The following CAD variants were observed in gnomAD, a reference collection of about 807,000 sequenced individuals.
The protein encoded by CAD is multifunctional protein CAD.
A neutral mutation model predicts 237.2 loss-of-function variants in CAD; 81 were observed. The ratio of observed to expected loss-of-function variants is 0.34; its 90% CI spans 0.29 to 0.41. The LOEUF (loss-of-function observed/expected upper bound fraction) is 0.41. CAD is among the 10% of genes least tolerant of loss of function. CAD has a pLI of 1.00. For synonymous variants in CAD, 1,196 were observed against 1,162.8 expected, an observed-to-expected ratio of 1.03 and a Z score of -0.58; for missense variants, 2,181 against 2,951.7, an observed-to-expected ratio of 0.74 and a Z score of 6.05.
chr2:27,220,688 T>C (rs1481529636), intron 2 of CAD, among the ~76,000 whole-genome samples: 1 of 147,398 alleles, frequency 6.8e-6, no homozygotes, highest in Non-Finnish European at 1.5e-5. Context: ...CTAGGTGCGA[T>C]GGCTCACTCC....
At position 27,242,365 on chromosome 2, in the gene CAD, A is replaced by G; in HGVS notation, c.6160A>G (p.Thr2054Ala). The G allele has an allele frequency of 1.2e-6, 2 of 1,613,834 alleles. No individual in the cohort carries two copies. Among genetic ancestry groups the G allele is most frequent in the South Asian group, 2.2e-5 (2 of 91,064 alleles). The part of the protein sequence containing the change: ...NAGDGVGEHP[T>A]QALLDIFTIR... ...TGGGGATGGGGTCGGAGAGCACCCC[A>G]CCCAGGCCCTGCTGGACATCTTCAC... Residue 2054 changes from threonine to alanine, a missense_variant, in exon 40 of 44, where the codon ACC becomes GCC. Physicochemically the swap from Thr to Ala is moderately conservative, Grantham distance 58. Coordinates refer to ENST00000264705, the MANE Select transcript of CAD (RefSeq NM_004341.5). The surrounding 1 kb of genome is among the most constrained non-coding windows in gnomAD (Gnocchi z 6.4).
chr2:27,223,087 G>A, intron 6 of CAD, 50 bp downstream of exon 6: 2 of 1,580,332 alleles, frequency 1.3e-6, no homozygotes. Flanking sequence ...CATGAGGGGT[G>A]GGGTGTCTCA....
chr2:27,222,322 G>C lies in CAD; in HGVS notation c.481G>C (p.Glu161Gln). ...CCCCAATGCCCGCCCCCTGGTACCA[G>C]AGGTCTCCATTAAGGTACAGAGGTA... is the stretch of plus-strand genomic sequence containing the variant. Reference protein sequence around the residue: ...LDPNARPLVPEVSIKTPRVFN... With the variant: ...LDPNARPLVPQVSIKTPRVFN... The change falls in exon 4 of 44, where the codon GAG becomes CAG. Residue 161 changes from glutamate (E) to glutamine (Q), a missense_variant. Transcript: ENST00000264705. 1 of 1,612,428 alleles carries C rather than the reference G, an allele frequency of 6.2e-7. No individual in the cohort carries two copies. Among genetic ancestry groups the C allele is most frequent in the African/African-American group, 1.3e-5 (1 of 74,994 alleles).
At chr2:27,221,753 ATTTTTTTTTTTTTTTT>A (rs57429918) in intron 3 of CAD, among the ~76,000 whole-genome samples, 1 of 103,494 alleles carries the variant, frequency 9.7e-6, no homozygotes, top group African/African-American at 4.3e-5. Flanking sequence ...AAATTTCCCA[ATTTTTTTTTTTTTTTT>A]TTTTTTTTTT....
Position 27,241,813 on chromosome 2 carries a change from C to T in CAD, c.5884-98C>T. 1.0e-6 allele frequency: 1 copy of T among 962,350 alleles called. No homozygotes were observed. Among genetic ancestry groups the T allele is most frequent in the South Asian group, 1.5e-5 (1 of 65,620 alleles). 59.6% of individuals were successfully genotyped at this position (962,350 alleles called of 1,614,324 possible). A position where few individuals can be genotyped will look rare whatever the true frequency, so the allele number is the denominator to read the frequency against. ...AGGTTTGGGTGCAGAAGGGTCCTCA[C>T]AGCACCCCTCAAGTGTCAGTTGGGG... On this transcript the variant is annotated intron_variant, in intron 38 of 43. Transcript: ENST00000264705. The surrounding 1 kb of genome is among the most constrained non-coding windows in gnomAD (Gnocchi z 4.6).
Position 27,240,312 on chromosome 2 carries a change from C to G in CAD, c.5544C>G (p.Arg1848=). ...GCATCCCAGGGCTTCCTGATGGCCG[C>G]TTCCATCTGCCGCCCCGAATCCATC... The part of the protein sequence containing the change: ...RRGIPGLPDG[R]FHLPPRIHRA... The change falls in exon 35 of 44, where the codon CGC becomes CGG. Residue 1848 remains arginine, a synonymous_variant. Coordinates refer to ENST00000264705, the MANE Select transcript of CAD (RefSeq NM_004341.5). The surrounding 1 kb of genome is among the most constrained non-coding windows in gnomAD (Gnocchi z 4.6). 19 of 1,614,140 alleles carry G rather than the reference C, an allele frequency of 1.2e-5. No individual in the cohort carries two copies. The highest frequency in any genetic ancestry group is 1.4e-5 in the Non-Finnish European group (17 of 1,180,030).
At position 27,239,753 on chromosome 2, in the gene CAD, TC is replaced by T; in HGVS notation, c.5453del (p.Pro1818LeufsTer13). 1.3e-6 allele frequency: 2 copies of T among 1,590,366 alleles called. No homozygotes were observed. Among genetic ancestry groups the T allele is most frequent in the Admixed American group, 1.8e-5 (1 of 56,416 alleles). On this transcript the variant is annotated frameshift_variant, in exon 34 of 44. Coordinates refer to ENST00000264705, the MANE Select transcript of CAD (RefSeq NM_004341.5). LOFTEE classifies it high-confidence loss of function. This position sits in a 1 kb window ranked among gnomAD's most constrained non-coding sequence, Gnocchi z 4.0. Reference sequence around the variant, plus strand: ...TACGGAAGTGGCCACAGGGGGCTGTTCCTCAGCTCCCACCCTCAGCCCCTGC... The same window carrying T: ...TACGGAAGTGGCCACAGGGGGCTGTTCTCAGCTCCCACCCTCAGCCCCTGC... ...DVRKWPQGAV[P>X]QLPPSAPATS...
rs113283868 is a variant in CAD at position 27,233,308 on chromosome 2, G to A, written c.2992-4G>A. The A allele has an allele frequency of 9.0e-5, 145 of 1,612,668 alleles. No homozygotes were observed. In the South Asian group the frequency reaches 1.4e-3, roughly 16 times the overall value. On this transcript the variant is annotated splice_region_variant and splice_polypyrimidine_tract_variant and intron_variant, in intron 19 of 43. Transcript: ENST00000264705. The surrounding 1 kb of genome is among the most constrained non-coding windows in gnomAD (Gnocchi z 6.3). ...CACCACTTGTTTCTCCCCCTGCAAC[G>A]TAGGTGGTGATGGACATCTATGAGC...
At chr2:27,234,773 G>T (rs1388898395) in intron 23 of CAD, 88 bp downstream of exon 23, 19 of 1,272,166 alleles carry the variant, frequency 1.5e-5, no homozygotes, top group Non-Finnish European at 2.0e-5. Context: ...TGTAAACCAG[G>T]CACTGACTGC....
Position 27,241,080 on chromosome 2 carries a change from C to T in CAD, c.5661C>T (p.Gly1887=), listed in dbSNP as rs781739277. The part of the protein sequence containing the change: ...AEPELMGTPD[G]TCYPPPPVPR... The stretch of plus-strand genomic sequence containing the variant: ...CAGAGCTGATGGGAACCCCTGATGG[C>T]ACCTGCTACCCTCCACCACCAGTAC... The change falls in exon 37 of 44, where the codon GGC becomes GGT. Residue 1887 remains glycine, a synonymous_variant. Transcript: ENST00000264705. The surrounding 1 kb of genome is among the most constrained non-coding windows in gnomAD (Gnocchi z 4.6). The T allele has an allele frequency of 6.2e-7, 1 of 1,609,354 alleles. No individual in the cohort carries two copies. The highest frequency in any genetic ancestry group is 8.5e-7 in the Non-Finnish European group (1 of 1,177,770).
intron 6 of CAD, among the ~76,000 whole-genome samples, chr2:27,223,304 G>A (rs968298659): frequency 2.6e-5 from 4 of 152,050 alleles, no homozygotes; most frequent in African/African-American, 7.2e-5. Flanking sequence ...GGTGGCGTGC[G>A]CCTGTAATCC....
In CAD at chr2:27,235,001, G is replaced by A. The variant is rs756325142; in HGVS notation, c.3787-244G>A. The stretch of plus-strand genomic sequence containing the variant: ...AGGGGTGATCTGGGAAGGCTTGAGC[G>A]AAGGGGTGCTATTTGAATTGAGTTT... On this transcript the variant is annotated intron_variant, in intron 23 of 43. Transcript: ENST00000264705. This position sits in a 1 kb window ranked among gnomAD's most constrained non-coding sequence, Gnocchi z 5.2. Among the ~76,000 whole-genome samples the A allele has an allele frequency of 3.3e-5, 5 of 152,322 alleles. No individual in the cohort carries two copies. In the East Asian group the frequency reaches 5.8e-4, roughly 18 times the overall value.
rs1195761259 is a variant in CAD, at chr2:27,242,591, T to A, written c.6223-29T>A. The A allele has an allele frequency of 1.9e-6, 3 of 1,577,474 alleles. No individual in the cohort carries two copies. The highest frequency in any genetic ancestry group is 1.7e-5 in the Admixed American group (1 of 58,522). ...ATGTCGGGGGGCACTCAGTCTGGGA[T>A]CCCTGTGGTGACTGGATTCCTCTCC... On this transcript the variant is annotated intron_variant, in intron 40 of 43. Transcript: ENST00000264705. This position sits in a 1 kb window ranked among gnomAD's most constrained non-coding sequence, Gnocchi z 6.4.
At position 27,239,208 on chromosome 2, in the gene CAD, C is replaced by A. The variant is rs3739092; in HGVS notation, c.5229C>A (p.Pro1743=). The A allele has an allele frequency of 6.2e-7, 1 of 1,607,158 alleles. No homozygotes were observed. The highest frequency in any genetic ancestry group is 8.5e-7 in the Non-Finnish European group (1 of 1,176,074). Residue 1743 remains proline (P), a synonymous_variant, in exon 32 of 44, where the codon CCC becomes CCA. Transcript: ENST00000264705. This position sits in a 1 kb window ranked among gnomAD's most constrained non-coding sequence, Gnocchi z 4.0. Reference sequence around the variant, plus strand: ...ATCCTCGGCGCATCTTTCACCTGCCCCCGCAGGAGGACACCTATGTGGAGG... The same window carrying A: ...ATCCTCGGCGCATCTTTCACCTGCCACCGCAGGAGGACACCTATGTGGAGG... ...HHNPRRIFHL[P]PQEDTYVEVD... is the part of the protein sequence containing the mutation.
chr2:27,230,057 G>A (rs1397005254), intron 15 of CAD, among the ~76,000 whole-genome samples: 2 of 151,354 alleles, frequency 1.3e-5, no homozygotes, highest in Non-Finnish European at 2.9e-5. Flanking sequence ...GGCCAACATG[G>A]TGAAACCCCG....
At chr2:27,220,090 G>A (rs1675081897) in intron 2 of CAD, among the ~76,000 whole-genome samples, 1 of 152,126 alleles carries the variant, frequency 6.6e-6, no homozygotes, top group Admixed American at 6.6e-5. Flanking sequence ...CATGAAGACA[G>A]GAACCTCATC....
In CAD at chr2:27,232,405, C is replaced by A; in HGVS notation, c.2646-43C>A. On this transcript the variant is annotated intron_variant, in intron 17 of 43. Transcript: ENST00000264705. This position sits in a 1 kb window ranked among gnomAD's most constrained non-coding sequence, Gnocchi z 4.1. ...GTCTCAACCCTCTATCAGTCTGTAC[C>A]CTACTCTCTGGGCCTGTGTTTCAGA... 1 of 1,611,952 alleles carries A rather than the reference C, an allele frequency of 6.2e-7. No homozygotes were observed. Among genetic ancestry groups the A allele is most frequent in the East Asian group, 2.2e-5 (1 of 44,886 alleles).
At chr2:27,221,027 C>G (rs1239075882) in intron 2 of CAD, among the ~76,000 whole-genome samples, 191 bp from the exon 3 acceptor site, 1 of 152,046 alleles carries the variant, frequency 6.6e-6, no homozygotes. Flanking sequence ...CACCCTGGGC[C>G]TGTGGGTTGT....
chr2:27,235,700 G>C lies in CAD; in HGVS notation c.4074+60G>C. 1 of 1,414,902 alleles carries C rather than the reference G, an allele frequency of 7.1e-7. No homozygotes were observed. Among genetic ancestry groups the C allele is most frequent in the Non-Finnish European group, 1.0e-6 (1 of 1,003,408 alleles). The allele number at this position is 1,414,902 out of a possible 1,614,324, so 87.6% of individuals were successfully genotyped here. ...CCTTCCCCAAGGGGGTGAAAATACT[G>C]CACCAAAGAATTATCTGGGCTGGGC... On this transcript the variant is annotated intron_variant, in intron 25 of 43. Transcript: ENST00000264705. This position sits in a 1 kb window ranked among gnomAD's most constrained non-coding sequence, Gnocchi z 5.2.
Sources: gnomAD v4.1 joint callset for allele counts (sites outside exome capture counted in the v4.1 genomes callset) on GRCh38, gnomAD v4.1.1 for gene constraint, Gnocchi (gnomAD v3.1) non-coding constraint, MANE v1.5 for transcripts, NCBI Gene and HGNC (gene_info 2026-07-23, HGNC 2026-07-21) for gene names.